Variants in PPP2R3A observed in about 807,000 individuals in gnomAD.
The protein encoded by PPP2R3A is protein phosphatase 2 regulatory subunit B''alpha.
In PPP2R3A, 80 loss-of-function variants were observed where a neutral mutation model predicts 106.9. The observed-to-expected ratio is 0.75, with a 90% CI of 0.62 to 0.90. PPP2R3A has a LOEUF of 0.90. Among genes scored for constraint, PPP2R3A ranks in the 40% least tolerant of loss-of-function variants. The pLI, the probability that PPP2R3A is intolerant of heterozygous loss-of-function variation, is 0.00. For missense variants in PPP2R3A, 1,386 were observed against 1,350.4 expected (o/e 1.03, Z -0.41); for synonymous variants, 483 against 468.3 (o/e 1.03, Z -0.41).
chr3:136,047,780 C>G (rs924281664), intron 4 of PPP2R3A, among the ~76,000 whole-genome samples: 4 of 152,100 alleles, frequency 2.6e-5, no homozygotes, highest in African/African-American at 9.7e-5. Context: ...TGGCGGGTGC[C>G]TGTAGTCCCA....
chr3:136,054,271 T>C (rs1361337925), intron 5 of PPP2R3A, among the ~76,000 whole-genome samples: 2 of 146,544 alleles, frequency 1.4e-5, no homozygotes, highest in East Asian at 2.0e-4. Context: ...TTTTTTTTTT[T>C]TTTTTTGAGT....
intron 1 of PPP2R3A, among the ~76,000 whole-genome samples, chr3:135,979,000 T>C (rs2107756401): frequency 6.6e-6 from 1 of 152,024 alleles, no homozygotes; most frequent in East Asian, 1.9e-4. Context: ...TAAAATATTT[T>C]TACCTGAAAT....
chr3:136,027,127 C>T (rs1934694923), intron 3 of PPP2R3A, 29 bp downstream of exon 3: 1 of 1,578,212 alleles, frequency 6.3e-7, no homozygotes, highest in African/African-American at 1.4e-5. Flanking sequence ...GATTTACAAT[C>T]TCCCCTTCTT....
rs1209571803 is a variant in PPP2R3A, at chr3:135,977,731, A to G, written c.-441+11882A>G. Among the ~76,000 whole-genome samples the G allele has an allele frequency of 3.5e-5, 4 of 113,844 alleles. No individual in the cohort carries two copies. The Admixed American group carries it at 5.4e-4, about 15-fold the overall frequency. 74.7% of individuals were successfully genotyped at this position (113,844 alleles called of 152,430 possible). ...TTTTTTTTTTTGAGATAAGAGTCTC[A>G]CTGTGTTGCCCAGGCTGGAGTACAG... On this transcript the variant is annotated intron_variant, in intron 1 of 13. Coordinates refer to ENST00000264977, the MANE Select transcript of PPP2R3A (RefSeq NM_002718.5).
rs756355250 is a variant in PPP2R3A, at chr3:136,082,280, G to A, written c.2647G>A (p.Glu883Lys). The A allele has an allele frequency of 1.3e-6, 2 of 1,585,286 alleles. No homozygotes were observed. The highest frequency in any genetic ancestry group is 3.3e-5 in the Admixed American group (2 of 59,738). ...ATAATTTCAGACCCTAGCACTTTTG[G>A]AAGAAGAGGAAGATATAAACCAAAT... ...SNFLQTLALL[E>K]EEEDINQITD... is the part of the protein sequence containing the mutation. The change falls in exon 8 of 14, where the codon GAA (glutamate) becomes AAA (lysine). Residue 883 changes from glutamate to lysine, a missense_variant. Physicochemically the swap from Glu to Lys is moderately conservative, Grantham distance 56. Coordinates refer to ENST00000264977, the MANE Select transcript of PPP2R3A (RefSeq NM_002718.5).
At chr3:136,105,241 G>A (rs1576313981) in intron 12 of PPP2R3A, among the ~76,000 whole-genome samples, 1 of 152,152 alleles carries the variant, frequency 6.6e-6, no homozygotes, top group Non-Finnish European at 1.5e-5. Flanking sequence ...ATTTCAGGCG[G>A]GCCTGTGGCA....
chr3:136,042,439 C>T (rs951735343), intron 4 of PPP2R3A, among the ~76,000 whole-genome samples: 31 of 152,272 alleles, frequency 2.0e-4, no homozygotes, highest in African/African-American at 7.0e-4. Context: ...ACCGCCACAG[C>T]ACGTGTTTAT....
chr3:136,095,555 A>G (rs992780592), intron 10 of PPP2R3A, among the ~76,000 whole-genome samples: 2 of 152,150 alleles, frequency 1.3e-5, no homozygotes, highest in African/African-American at 4.8e-5. Context: ...TATCTCTCCC[A>G]AACCTGGACT....
chr3:136,052,475 T>C (rs948001285), intron 5 of PPP2R3A, among the ~76,000 whole-genome samples: 1 of 152,162 alleles, frequency 6.6e-6, no homozygotes, highest in Admixed American at 6.5e-5. Flanking sequence ...AACAGTATCC[T>C]CCTGTCAGTA....
intron 7 of PPP2R3A, among the ~76,000 whole-genome samples, chr3:136,081,103 C>G (rs1936768287): frequency 6.6e-6 from 1 of 151,954 alleles, no homozygotes; most frequent in Non-Finnish European, 1.5e-5. Context: ...AAGCAATTTT[C>G]TGCCTCAGCC....
At chr3:136,120,024 A>G (rs1433392493) in intron 13 of PPP2R3A, among the ~76,000 whole-genome samples, 1 of 152,124 alleles carries the variant, frequency 6.6e-6, no homozygotes, top group Non-Finnish European at 1.5e-5. Flanking sequence ...CTATGCAGCC[A>G]TAAAAAAGGA....
chr3:135,994,379 T>C (rs1450919758), intron 1 of PPP2R3A, among the ~76,000 whole-genome samples: 4 of 152,166 alleles, frequency 2.6e-5, no homozygotes, highest in Non-Finnish European at 5.9e-5. Context: ...CACATCAACT[T>C]TCTATCTTCA....
chr3:136,092,905 G>T (rs148329002), intron 10 of PPP2R3A, among the ~76,000 whole-genome samples: 6 of 152,226 alleles, frequency 3.9e-5, no homozygotes, highest in South Asian at 2.1e-4. Flanking sequence ...AATTACTTTT[G>T]TACCAACCTT....
chr3:136,116,839 A>T (rs115778536), intron 13 of PPP2R3A, among the ~76,000 whole-genome samples: 2,328 of 152,262 alleles, frequency 0.015, 30 homozygotes, highest in Middle Eastern at 0.027. Context: ...CAAGACCAAA[A>T]ATTAACAAGG....
At chr3:136,135,982 G>T (rs1002781975) in intron 13 of PPP2R3A, among the ~76,000 whole-genome samples, 10 of 143,540 alleles carry the variant, frequency 7.0e-5, no homozygotes, top group African/African-American at 2.7e-4. Context: ...GGAGGTGGAG[G>T]TTGCAGTGAG....
At chr3:136,116,508 A>G (rs1336317776) in intron 13 of PPP2R3A, among the ~76,000 whole-genome samples, 2 of 152,206 alleles carry the variant, frequency 1.3e-5, no homozygotes, top group Non-Finnish European at 1.5e-5. Context: ...CTCATGTGCA[A>G]AGACACATAT....
At chr3:135,994,147 C>T (rs1243193484) in intron 1 of PPP2R3A, among the ~76,000 whole-genome samples, 3 of 152,132 alleles carry the variant, frequency 2.0e-5, no homozygotes, top group Non-Finnish European at 4.4e-5. Flanking sequence ...TTGTGGACAG[C>T]GTTTGTCAAT....
At chr3:136,137,996 G>GAGAGGAAC (rs1215755613) in intron 13 of PPP2R3A, among the ~76,000 whole-genome samples, 1 of 152,168 alleles carries the variant, frequency 6.6e-6, no homozygotes, top group Non-Finnish European at 1.5e-5. Flanking sequence ...GAGAATGTAG[G>GAGAGGAAC]AGAGGAACAG....
chr3:136,124,530 A>C (rs1056258572), intron 13 of PPP2R3A, among the ~76,000 whole-genome samples: 1 of 152,282 alleles, frequency 6.6e-6, no homozygotes, highest in Non-Finnish European at 1.5e-5. Flanking sequence ...ACCCTAAAGC[A>C]GTGCTTAGAG....
Sources: allele counts gnomAD v4.1 joint callset (sites outside exome capture counted in the v4.1 genomes callset), GRCh38; gene constraint gnomAD v4.1.1; transcripts MANE v1.5; gene names NCBI Gene and HGNC (gene_info 2026-07-23, HGNC 2026-07-21).